GRID1: variants seen among roughly 807,000 people sequenced by gnomAD.
GRID1 encodes the protein glutamate ionotropic receptor delta type subunit 1, also known as glutamate receptor ionotropic, delta-1.
A neutral mutation model predicts 98.0 loss-of-function variants in GRID1; 28 were observed. The ratio of observed to expected loss-of-function variants is 0.29; its 90% CI spans 0.21 to 0.39. GRID1 has a LOEUF of 0.39. Ranked by LOEUF, GRID1 falls within the 10% of genes least tolerant of loss-of-function variation. The probability of loss-of-function intolerance (pLI) is 1.00; values close to 1 mark genes in which losing one functional copy is unlikely to be tolerated. For synonymous variants in GRID1, 553 were observed against 538.5 expected, an observed-to-expected ratio of 1.03 and a Z score of -0.37; for missense variants, 1,111 against 1,340.5, an observed-to-expected ratio of 0.83 and a Z score of 2.67.
intron 12 of GRID1, among the ~76,000 whole-genome samples, chr10:85,650,813 C>T (rs1328546322): frequency 1.3e-5 from 2 of 152,210 alleles, no homozygotes; most frequent in Non-Finnish European, 2.9e-5. Flanking sequence ...AATGAAAACA[C>T]ATGGCTTATT....
At chr10:86,057,914 C>T (rs115481304) in intron 4 of GRID1, among the ~76,000 whole-genome samples, 1 of 152,350 alleles carries the variant, frequency 6.6e-6, no homozygotes, top group African/African-American at 2.4e-5. Context: ...TTATCTAACA[C>T]TATGCCAGGC....
chr10:85,898,501 G>A (rs896045917), intron 5 of GRID1, among the ~76,000 whole-genome samples: 1 of 151,908 alleles, frequency 6.6e-6, no homozygotes, highest in Non-Finnish European at 1.5e-5. Flanking sequence ...GACTCCTATA[G>A]TAACACTTAG....
chr10:86,113,664 C>T (rs544044886), intron 4 of GRID1, among the ~76,000 whole-genome samples: 1 of 152,322 alleles, frequency 6.6e-6, no homozygotes, highest in African/African-American at 2.4e-5. Flanking sequence ...GACCCCCACA[C>T]CCTGCAGAGC....
chr10:86,016,876 C>T (rs1195498303), intron 4 of GRID1, among the ~76,000 whole-genome samples: 1 of 152,218 alleles, frequency 6.6e-6, no homozygotes, highest in Non-Finnish European at 1.5e-5. Context: ...GGGGTATTAT[C>T]TCTCACACTC....
At chr10:85,904,197 T>C (rs1441434332) in intron 5 of GRID1, among the ~76,000 whole-genome samples, 2 of 152,148 alleles carry the variant, frequency 1.3e-5, no homozygotes, top group African/African-American at 4.8e-5. Context: ...GTAACAGGGA[T>C]TGGATTTACC....
At chr10:85,669,273 G>A (rs1841058510) in intron 12 of GRID1, among the ~76,000 whole-genome samples, 1 of 152,222 alleles carries the variant, frequency 6.6e-6, no homozygotes, top group Non-Finnish European at 1.5e-5. Context: ...CCTATTTATT[G>A]AGGGGCCCCC....
chr10:86,062,567 A>G (rs1843664363), intron 4 of GRID1, among the ~76,000 whole-genome samples: 1 of 152,124 alleles, frequency 6.6e-6, no homozygotes, highest in African/African-American at 2.4e-5. Flanking sequence ...CCTGCCCTAG[A>G]CAAATGCCTA....
intron 2 of GRID1, among the ~76,000 whole-genome samples, chr10:86,296,018 T>G (rs1847584037): frequency 6.6e-6 from 1 of 152,188 alleles, no homozygotes; most frequent in Admixed American, 6.5e-5. Context: ...AGCTCGGCCC[T>G]AGCTAGTGCT....
chr10:85,618,747 A>G (rs567736121), intron 14 of GRID1, among the ~76,000 whole-genome samples: 66 of 152,144 alleles, frequency 4.3e-4, no homozygotes, highest in African/African-American at 1.5e-3. Context: ...AGTGTGAGAG[A>G]AGGGAGGTCG....
intron 8 of GRID1, among the ~76,000 whole-genome samples, chr10:85,850,963 G>A (rs1257956599): frequency 6.6e-6 from 1 of 152,004 alleles, no homozygotes; most frequent in African/African-American, 2.4e-5. Flanking sequence ...GTTCCTGCCC[G>A]CTCCCTACAC....
chr10:85,783,482 A>C (rs969740333), intron 8 of GRID1, among the ~76,000 whole-genome samples: 1 of 152,230 alleles, frequency 6.6e-6, no homozygotes, highest in African/African-American at 2.4e-5. Context: ...AAAGATAGAC[A>C]GTGAGCTCAG....
At position 85,599,768 on chromosome 10, in the gene GRID1, A is replaced by G. The variant is rs1279184725; in HGVS notation, c.*2505T>C. The G allele has an allele frequency of 1.6e-5, 2 of 128,620 alleles. No homozygotes were observed. The highest frequency in any genetic ancestry group is 7.8e-5 in the Admixed American group (1 of 12,862). The allele number at this position is 128,620 out of a possible 1,614,324, so 8.0% of individuals were successfully genotyped here. A position where few individuals can be genotyped will look rare whatever the true frequency, so the allele number is the denominator to read the frequency against. Reference sequence around the variant, plus strand: ...GCTTGAATATCAATCATTTCCCCTCATGCCAAGGGTAGAAAATTCTAAAAA... The same window carrying G: ...GCTTGAATATCAATCATTTCCCCTCGTGCCAAGGGTAGAAAATTCTAAAAA... On this transcript the variant is annotated 3_prime_UTR_variant, in exon 16 of 16. Coordinates refer to ENST00000327946, the MANE Select transcript of GRID1 (RefSeq NM_017551.3).
At chr10:86,066,127 T>C (rs1456133640) in intron 4 of GRID1, among the ~76,000 whole-genome samples, 1 of 152,122 alleles carries the variant, frequency 6.6e-6, no homozygotes, top group Admixed American at 6.5e-5. Flanking sequence ...GATGGTGCAA[T>C]TGCCCACACA....
intron 15 of GRID1, among the ~76,000 whole-genome samples, chr10:85,610,177 A>G (rs1429578707): frequency 6.6e-6 from 1 of 152,248 alleles, no homozygotes; most frequent in Non-Finnish European, 1.5e-5. Flanking sequence ...ATGCTGCCCC[A>G]TAAAACACAG....
intron 8 of GRID1, among the ~76,000 whole-genome samples, chr10:85,841,649 T>C (rs888170474): frequency 4.0e-5 from 6 of 150,912 alleles, no homozygotes; most frequent in African/African-American, 1.5e-4. Context: ...AAAGAAAACA[T>C]TAAAAAGTGG....
chr10:85,615,830 AG>A (rs1307417963), intron 14 of GRID1, among the ~76,000 whole-genome samples: 5 of 152,190 alleles, frequency 3.3e-5, no homozygotes, highest in Admixed American at 6.5e-5. Context: ...TGGCAGTTGC[AG>A]GAACCTCAGG....
At chr10:86,074,694 T>C (rs1461967419) in intron 4 of GRID1, among the ~76,000 whole-genome samples, 1 of 152,084 alleles carries the variant, frequency 6.6e-6, no homozygotes, top group Non-Finnish European at 1.5e-5. Flanking sequence ...AATGATTCCC[T>C]TTCCTTGGAT....
At chr10:85,802,447 T>C (rs2058953072) in intron 8 of GRID1, among the ~76,000 whole-genome samples, 1 of 152,076 alleles carries the variant, frequency 6.6e-6, no homozygotes, top group Admixed American at 6.6e-5. Context: ...AATTTGCCTA[T>C]AGAAAACAGG....
intron 2 of GRID1, among the ~76,000 whole-genome samples, chr10:86,209,256 A>C (rs1392870877): frequency 6.6e-6 from 1 of 152,246 alleles, no homozygotes; most frequent in East Asian, 1.9e-4. Context: ...CCTTTTAAAA[A>C]GAAAAATAAT....
Sources: allele counts gnomAD v4.1 joint callset (sites outside exome capture counted in the v4.1 genomes callset), GRCh38; gene constraint gnomAD v4.1.1; transcripts MANE v1.5; gene names NCBI Gene and HGNC (gene_info 2026-07-23, HGNC 2026-07-21).